Variants in ZBTB2 observed in about 807,000 individuals in gnomAD.
ZBTB2 encodes zinc finger and BTB domain containing 2, also known as zinc finger and BTB domain-containing protein 2.
Under a neutral mutation model 39.5 loss-of-function variants are expected in ZBTB2, and 2 were observed. The ratio of observed to expected loss-of-function variants is 0.05; its 90% CI spans 0.02 to 0.16. The LOEUF is 0.16. Ranked by LOEUF, ZBTB2 falls within the 10% of genes least tolerant of loss-of-function variation. ZBTB2 has a pLI of 1.00. For missense variants in ZBTB2, 391 were observed against 653.0 expected (o/e 0.60, Z 4.37); for synonymous variants, 251 against 256.6 (o/e 0.98, Z 0.21).
intron 1 of ZBTB2, among the ~76,000 whole-genome samples, chr6:151,390,325 C>A (rs1441840278): frequency 2.2e-4 from 29 of 134,490 alleles, no homozygotes; most frequent in Admixed American, 5.1e-4. Context: ...CCTCTGGCCC[C>A]CTCCGGTCTC....
intron 2 of ZBTB2, among the ~76,000 whole-genome samples, chr6:151,369,005 T>C (rs958279381): frequency 6.6e-6 from 1 of 152,044 alleles, no homozygotes; most frequent in African/African-American, 2.4e-5. Flanking sequence ...TCAAGTGATC[T>C]GCCCATCTCG....
Position 151,366,543 on chromosome 6 carries a change from A to C in ZBTB2, c.523T>G (p.Ser175Ala), listed in dbSNP as rs1778655843. Reference sequence around the variant, plus strand: ...TTTGAAGTCAGCTGGGAGAGCTGTGAGGCCTCAGGGACCTGCTCCTGGCTT... The same window carrying C: ...TTTGAAGTCAGCTGGGAGAGCTGTGCGGCCTCAGGGACCTGCTCCTGGCTT... ...RISQEQVPEA[S>A]QLSQLTSNLA... Residue 175 changes from serine to alanine, a missense_variant, in exon 3 of 3, where the codon TCA becomes GCA. Transcript: ENST00000325144. The surrounding 1 kb of genome is among the most constrained non-coding windows in gnomAD (Gnocchi z 7.1). 1.2e-6 allele frequency: 2 copies of C among 1,613,974 alleles called. No homozygotes were observed. Among genetic ancestry groups the C allele is most frequent in the Admixed American group, 1.7e-5 (1 of 59,992 alleles).
intron 1 of ZBTB2, among the ~76,000 whole-genome samples, chr6:151,385,413 T>C (rs186687493): frequency 6.6e-6 from 1 of 152,326 alleles, no homozygotes; most frequent in African/African-American, 2.4e-5. Context: ...GGCTGATCCG[T>C]AAGCAACTCA....
chr6:151,370,961 A>C (rs112127723), intron 2 of ZBTB2, among the ~76,000 whole-genome samples: 1,587 of 152,350 alleles, frequency 0.01, 15 homozygotes, highest in Non-Finnish European at 0.018. Flanking sequence ...TTACTGCCCT[A>C]TACTTAAAGG....
chr6:151,379,216 C>CT (rs896306457), intron 1 of ZBTB2, among the ~76,000 whole-genome samples: 14 of 152,176 alleles, frequency 9.2e-5, no homozygotes, highest in Non-Finnish European at 2.1e-4. Context: ...GCCAATATGG[C>CT]TTTTTTACTT....
intron 1 of ZBTB2, among the ~76,000 whole-genome samples, chr6:151,374,869 C>T (rs1449985545): frequency 3.8e-5 from 5 of 132,056 alleles, no homozygotes; most frequent in African/African-American, 8.5e-5. Flanking sequence ...CGGAGGTGGG[C>T]GGATCACGAG....
In ZBTB2 at chr6:151,372,664, A is replaced by C. The variant is rs535625253; in HGVS notation, c.173+801T>G. 5.3e-5 allele frequency among the ~76,000 whole-genome samples: 8 copies of C among 152,320 alleles called. No individual in the cohort carries two copies. In the South Asian group the frequency reaches 1.7e-3, roughly 32 times the overall value. Reference sequence around the variant, plus strand: ...AACTGAGCAAAGATAGAGCTGTTTTAAGATAGAAAAGAGGGAAACTGGAGA... The same window carrying C: ...AACTGAGCAAAGATAGAGCTGTTTTCAGATAGAAAAGAGGGAAACTGGAGA... On this transcript the variant is annotated intron_variant, in intron 2 of 2. Transcript: ENST00000325144.
chr6:151,385,882 C>T (rs866577922), intron 1 of ZBTB2, among the ~76,000 whole-genome samples: 2 of 152,156 alleles, frequency 1.3e-5, no homozygotes, highest in African/African-American at 2.4e-5. Flanking sequence ...GTAGAAAATG[C>T]ATCTTATTTA....
rs1230909867 is a variant in ZBTB2, at chr6:151,366,469, C to G, written c.597G>C (p.Gln199His). Residue 199 changes from glutamine (Q) to histidine (H), a missense_variant, in exon 3 of 3, where the codon CAG (glutamine) becomes CAC (histidine). By Grantham distance (24) the Gln-to-His change is conservative. Coordinates refer to ENST00000325144, the MANE Select transcript of ZBTB2 (RefSeq NM_020861.3). This position sits in a 1 kb window ranked among gnomAD's most constrained non-coding sequence, Gnocchi z 7.1. Reference sequence around the variant, plus strand: ...AAACAAGTTCTGGAGACAGCGAGGTCTGCAGGGGGTCTGAGGGAGTCATAT... The same window carrying G: ...AAACAAGTTCTGGAGACAGCGAGGTGTGCAGGGGGTCTGAGGGAGTCATAT... The part of the protein sequence containing the change: ...RTNMTPSDPL[Q>H]TSLSPELVST... The G allele has an allele frequency of 6.2e-7, 1 of 1,614,094 alleles. No homozygotes were observed. The highest frequency in any genetic ancestry group is 2.2e-5 in the East Asian group (1 of 44,858).
chr6:151,364,251 TC>T lies in ZBTB2; in HGVS notation c.*1269del, dbSNP rs1394334943. 1 of 152,604 alleles carries T rather than the reference TC, an allele frequency of 6.6e-6. No homozygotes were observed. The highest frequency in any genetic ancestry group is 2.4e-5 in the African/African-American group (1 of 41,434). 9.5% of individuals were successfully genotyped at this position (152,604 alleles called of 1,614,324 possible). A position where few individuals can be genotyped will look rare whatever the true frequency, so the allele number is the denominator to read the frequency against. ...CATATACTATAGCTATTAGCTATTC[TC>T]CCCTTCTCCTTCAGTCCTTACTTCT... On this transcript the variant is annotated 3_prime_UTR_variant, in exon 3 of 3. Coordinates refer to ENST00000325144, the MANE Select transcript of ZBTB2 (RefSeq NM_020861.3).
intron 2 of ZBTB2, among the ~76,000 whole-genome samples, chr6:151,373,051 A>G (rs924179382): frequency 6.8e-6 from 1 of 146,598 alleles, no homozygotes; most frequent in African/African-American, 2.5e-5. Context: ...GCTACTCGGG[A>G]GGCTGAAGCA....
At chr6:151,374,031 T>C (rs189012296) in intron 1 of ZBTB2, among the ~76,000 whole-genome samples, 37 of 152,288 alleles carry the variant, frequency 2.4e-4, no homozygotes, top group Non-Finnish European at 4.3e-4. Context: ...CCATCGAGTC[T>C]TTTAGTTTAA....
At chr6:151,374,771 T>C (rs1215719357) in intron 1 of ZBTB2, among the ~76,000 whole-genome samples, 1 of 144,790 alleles carries the variant, frequency 6.9e-6, no homozygotes, top group South Asian at 2.2e-4. Flanking sequence ...GATGACACGA[T>C]TGTAACACAG....
intron 2 of ZBTB2, among the ~76,000 whole-genome samples, chr6:151,368,751 G>A (rs1189987453): frequency 6.6e-6 from 1 of 150,618 alleles, no homozygotes; most frequent in Non-Finnish European, 1.5e-5. Context: ...ACTGCGCCTG[G>A]TCATTTTTCT....
chr6:151,373,411 C>T, intron 2 of ZBTB2, 54 bp downstream of exon 2: 1 of 1,597,382 alleles, frequency 6.3e-7, no homozygotes, highest in East Asian at 2.2e-5. Flanking sequence ...GGGCCAGGGA[C>T]ATGGAGGTTA....
chr6:151,384,481 A>C (rs1779108967), intron 1 of ZBTB2, among the ~76,000 whole-genome samples: 1 of 152,192 alleles, frequency 6.6e-6, no homozygotes, highest in Admixed American at 6.5e-5. Flanking sequence ...GATGGAGGAA[A>C]TTGACAGGAT....
At chr6:151,373,235 C>T (rs569601898) in intron 2 of ZBTB2, among the ~76,000 whole-genome samples, 24 of 145,186 alleles carry the variant, frequency 1.7e-4, no homozygotes, top group African/African-American at 5.4e-4. Context: ...TGACACCCAG[C>T]GAGGGCATCT....
intron 1 of ZBTB2, among the ~76,000 whole-genome samples, chr6:151,381,335 A>G (rs890539321): frequency 5.5e-4 from 83 of 152,130 alleles, no homozygotes; most frequent in Non-Finnish European, 9.9e-4. Context: ...AGCCTGGCCA[A>G]CATGGTGAAA....
intron 1 of ZBTB2, among the ~76,000 whole-genome samples, chr6:151,376,175 C>G (rs536254391): frequency 2.0e-5 from 3 of 152,130 alleles, no homozygotes; most frequent in Non-Finnish European, 4.4e-5. Context: ...AAGTCTCATA[C>G]TTTATATAAA....
Sources: gnomAD v4.1 joint callset for allele counts (sites outside exome capture counted in the v4.1 genomes callset) on GRCh38, gnomAD v4.1.1 for gene constraint, Gnocchi (gnomAD v3.1) non-coding constraint, MANE v1.5 for transcripts, NCBI Gene and HGNC (gene_info 2026-07-23, HGNC 2026-07-21) for gene names.